CSMD2: variants seen among roughly 807,000 people sequenced by gnomAD.
CSMD2 encodes CUB and sushi domain-containing protein 2.
In CSMD2, 130 loss-of-function variants were observed where a neutral mutation model predicts 398.5. The observed-to-expected ratio is 0.33, with a 90% CI of 0.28 to 0.38. The LOEUF is 0.38. Among genes scored for constraint, CSMD2 ranks in the 10% least tolerant of loss-of-function variants. The probability of loss-of-function intolerance (pLI) is 1.00; values close to 1 mark genes in which losing one functional copy is unlikely to be tolerated. For synonymous variants in CSMD2, 1,828 were observed against 1,908.5 expected (o/e 0.96, Z 1.10); for missense variants, 3,829 against 4,764.9 (o/e 0.80, Z 5.78).
intron 24 of CSMD2, among the ~76,000 whole-genome samples, chr1:33,697,074 C>T (rs544540720): frequency 4.6e-5 from 7 of 152,242 alleles, no homozygotes; most frequent in African/African-American, 1.7e-4. Flanking sequence ...AGTTTAAATG[C>T]TCTTATACTG....
At chr1:33,561,789 G>A (rs1658572947) in intron 53 of CSMD2, among the ~76,000 whole-genome samples, 1 of 152,150 alleles carries the variant, frequency 6.6e-6, no homozygotes, top group South Asian at 2.1e-4. Context: ...TCAAGAAGGT[G>A]GTGGGAGAGC....
At chr1:34,059,566 G>A (rs1474936242) in intron 2 of CSMD2, among the ~76,000 whole-genome samples, 1 of 152,126 alleles carries the variant, frequency 6.6e-6, no homozygotes, top group African/African-American at 2.4e-5. Context: ...GGGAGAGATG[G>A]GAATCTGTGT....
At chr1:33,721,861 A>G (rs183298991) in intron 19 of CSMD2, among the ~76,000 whole-genome samples, 7 of 152,352 alleles carry the variant, frequency 4.6e-5, no homozygotes, top group African/African-American at 1.7e-4. Context: ...AAATTAGAAA[A>G]AAGCCAAAAG....
chr1:33,939,013 G>C (rs1644579358), intron 3 of CSMD2, among the ~76,000 whole-genome samples: 1 of 150,436 alleles, frequency 6.6e-6, no homozygotes, highest in Admixed American at 6.6e-5. Flanking sequence ...CGTTTCCCGT[G>C]ATCCCCTGCT....
At chr1:33,959,561 C>T (rs557642338) in intron 3 of CSMD2, among the ~76,000 whole-genome samples, 8 of 152,240 alleles carry the variant, frequency 5.3e-5, no homozygotes, top group South Asian at 2.1e-4. Flanking sequence ...TCCCGTGTCC[C>T]GGAAAATCCT....
intron 42 of CSMD2, 105 bp from the exon 43 acceptor site, chr1:33,602,651 C>T: frequency 9.5e-7 from 1 of 1,054,346 alleles, no homozygotes; most frequent in Non-Finnish European, 1.3e-6. Context: ...ATCATCCTGT[C>T]AGGGAGGTTG....
chr1:33,670,308 G>A (rs1175989034), intron 25 of CSMD2, among the ~76,000 whole-genome samples: 1 of 152,168 alleles, frequency 6.6e-6, no homozygotes, highest in Non-Finnish European at 1.5e-5. Context: ...CATGAGGCCT[G>A]ACCTGTACTA....
chr1:33,784,876 T>C (rs1653327503), intron 12 of CSMD2, among the ~76,000 whole-genome samples: 2 of 152,308 alleles, frequency 1.3e-5, no homozygotes, highest in African/African-American at 4.8e-5. Flanking sequence ...ATTTCCATTG[T>C]ACAAGTCGGG....
At chr1:33,780,724 G>A (rs947206215) in intron 12 of CSMD2, among the ~76,000 whole-genome samples, 12 of 152,224 alleles carry the variant, frequency 7.9e-5, no homozygotes, top group African/African-American at 2.9e-4. Context: ...GGATCCCACT[G>A]GGACTTTTTG....
At chr1:33,637,972 G>A (rs2148922049) in intron 29 of CSMD2, among the ~76,000 whole-genome samples, 1 of 152,266 alleles carries the variant, frequency 6.6e-6, no homozygotes, top group Non-Finnish European at 1.5e-5. Flanking sequence ...CTGTCACTCA[G>A]CTGCCAATCA....
At position 33,605,365 on chromosome 1, in the gene CSMD2, C is replaced by T. The variant is rs1250239365; in HGVS notation, c.6449G>A (p.Gly2150Glu). The T allele has an allele frequency of 2.5e-6, 4 of 1,613,986 alleles. No homozygotes were observed. Among genetic ancestry groups the T allele is most frequent in the South Asian group, 2.2e-5 (2 of 91,074 alleles). The change falls in exon 42 of 71, where the codon GGG becomes GAG. Residue 2150 changes from glycine (G) to glutamate (E), a missense_variant. Physicochemically the swap from Gly to Glu is moderately conservative, Grantham distance 98. Coordinates refer to ENST00000373381, the MANE Select transcript of CSMD2 (RefSeq NM_001281956.2). ...GQSVTFECLP[G>E]YQLTGHPVLT... The stretch of plus-strand genomic sequence containing the variant: ...GACAGGGTGGCCAGTCAATTGATAC[C>T]CCGGGAGGCACTCGAAGGTCACTGA...
At chr1:33,735,835 G>GA (rs898955498) in intron 15 of CSMD2, among the ~76,000 whole-genome samples, 35 of 151,746 alleles carry the variant, frequency 2.3e-4, no homozygotes, top group African/African-American at 1.9e-4. Flanking sequence ...AACAAAACTA[G>GA]AAAAAAAACG....
chr1:33,563,737 G>T (rs1043232097), intron 53 of CSMD2, among the ~76,000 whole-genome samples: 1 of 152,070 alleles, frequency 6.6e-6, no homozygotes, highest in African/African-American at 2.4e-5. Flanking sequence ...TGCTGAGAAC[G>T]TAGGTAGGGG....
At chr1:33,708,220 C>T (rs564148) in intron 22 of CSMD2, among the ~76,000 whole-genome samples, 136,736 of 152,204 alleles carry the variant, frequency 0.9, 61,610 homozygotes, top group African/African-American at 0.96. Flanking sequence ...CTATCATTTC[C>T]TTCCCTTACA....
At position 33,519,331 on chromosome 1, in the gene CSMD2, T is replaced by G; in HGVS notation, c.*53+134A>C. On this transcript the variant is annotated intron_variant, in intron 70 of 70. Transcript: ENST00000373381. This position sits in a 1 kb window ranked among gnomAD's most constrained non-coding sequence, Gnocchi z 5.6. ...TGGTTCAGTGCCTGTTACACAATGA[T>G]GCTCAATGCACAGCTCTCCTCTTAC... 1.6e-6 allele frequency: 1 copy of G among 606,194 alleles called. No individual in the cohort carries two copies. Among genetic ancestry groups the G allele is most frequent in the Non-Finnish European group, 2.9e-6 (1 of 342,168 alleles). The allele number at this position is 606,194 out of a possible 1,614,324, so 37.6% of individuals were successfully genotyped here. A position where few individuals can be genotyped will look rare whatever the true frequency, so the allele number is the denominator to read the frequency against.
At chr1:34,104,522 CTGGTGT>C (rs1660331735) in intron 1 of CSMD2, among the ~76,000 whole-genome samples, 1 of 152,186 alleles carries the variant, frequency 6.6e-6, no homozygotes, top group African/African-American at 2.4e-5. Context: ...GGGCTGTAGA[CTGGTGT>C]TTGGGAGTGC....
intron 3 of CSMD2, among the ~76,000 whole-genome samples, chr1:33,938,101 C>T (rs750189389): frequency 1.3e-5 from 2 of 152,240 alleles, no homozygotes; most frequent in African/African-American, 2.4e-5. Context: ...CCCTCAGAGG[C>T]TTATATTTTT....
At chr1:33,982,315 C>A (rs1276735436) in intron 3 of CSMD2, among the ~76,000 whole-genome samples, 1 of 152,118 alleles carries the variant, frequency 6.6e-6, no homozygotes, top group African/African-American at 2.4e-5. Flanking sequence ...CAGACCTTTG[C>A]AAAGGGGCTG....
At chr1:33,879,886 G>C (rs981099150) in intron 5 of CSMD2, among the ~76,000 whole-genome samples, 9 of 152,166 alleles carry the variant, frequency 5.9e-5, no homozygotes, top group African/African-American at 2.2e-4. Flanking sequence ...ATTTAGCATA[G>C]CGCATCACAC....
Sources: gnomAD v4.1 joint callset for allele counts (sites outside exome capture counted in the v4.1 genomes callset) on GRCh38, gnomAD v4.1.1 for gene constraint, Gnocchi (gnomAD v3.1) non-coding constraint, MANE v1.5 for transcripts, NCBI Gene and HGNC (gene_info 2026-07-23, HGNC 2026-07-21) for gene names.